RSPO2: variants seen among roughly 807,000 people sequenced by gnomAD.
RSPO2 encodes R-spondin 2, also known as R-spondin-2.
Under a neutral mutation model 30.9 loss-of-function variants are expected in RSPO2, and 14 were observed. The observed-to-expected ratio is 0.45, with a 90% CI of 0.30 to 0.71. The LOEUF is 0.71. Among genes scored for constraint, RSPO2 ranks in the 30% least tolerant of loss-of-function variants. The pLI, the probability that RSPO2 is intolerant of heterozygous loss-of-function variation, is 0.08. For missense variants in RSPO2, 264 were observed against 301.9 expected, an observed-to-expected ratio of 0.87 and a Z score of 0.93; for synonymous variants, 107 against 96.4, an observed-to-expected ratio of 1.11 and a Z score of -0.64.
chr8:108,008,318 G>A (rs867976326), intron 2 of RSPO2, among the ~76,000 whole-genome samples: 8 of 152,192 alleles, frequency 5.3e-5, no homozygotes, highest in African/African-American at 1.7e-4. Context: ...AACCAGAGCC[G>A]AGTAGCAGCC....
chr8:107,929,735 C>G (rs1464442754), intron 5 of RSPO2, among the ~76,000 whole-genome samples: 1 of 152,124 alleles, frequency 6.6e-6, no homozygotes, highest in Non-Finnish European at 1.5e-5. Flanking sequence ...AAACTTAGAA[C>G]AGTTAGAGAT....
intron 5 of RSPO2, among the ~76,000 whole-genome samples, chr8:107,952,260 T>C (rs1813275133): frequency 6.9e-6 from 1 of 145,054 alleles, no homozygotes; most frequent in African/African-American, 2.5e-5. Context: ...CCCTCCCAGT[T>C]TATAATCACT....
At position 108,063,235 on chromosome 8, in the gene RSPO2, T is replaced by C. The variant is rs114128995; in HGVS notation, c.94+19310A>G. 9.9e-3 allele frequency among the ~76,000 whole-genome samples: 1,500 copies of C among 151,872 alleles called. 55 individuals carry two copies. Among genetic ancestry groups the C allele is most frequent in the African/African-American group, 0.035 (1,441 of 41,210 alleles). On this transcript the variant is annotated intron_variant, in intron 2 of 5. Coordinates refer to ENST00000276659, the MANE Select transcript of RSPO2 (RefSeq NM_178565.5). ...GGCATTCAACTAGGAAAAGAGGAAGTCAATTGTCCCCGTTTGAAGATGACA... is the reference window on the plus strand; with the variant it reads ...GGCATTCAACTAGGAAAAGAGGAAGCCAATTGTCCCCGTTTGAAGATGACA...
At chr8:107,903,383 T>C (rs1811539748) in intron 5 of RSPO2, among the ~76,000 whole-genome samples, 1 of 152,148 alleles carries the variant, frequency 6.6e-6, no homozygotes. Flanking sequence ...AGTTGTGAGT[T>C]AAATATGTAC....
At chr8:107,958,853 C>T (rs1446133507) in intron 4 of RSPO2, among the ~76,000 whole-genome samples, 1 of 152,148 alleles carries the variant, frequency 6.6e-6, no homozygotes, top group African/African-American at 2.4e-5. Context: ...CAGTTCCATC[C>T]ATGTCCCTGC....
chr8:108,008,126 C>T (rs1815517763), intron 2 of RSPO2, among the ~76,000 whole-genome samples: 1 of 152,172 alleles, frequency 6.6e-6, no homozygotes, highest in Admixed American at 6.6e-5. Context: ...AAGATCAGTT[C>T]ATCGCCTTGG....
intron 5 of RSPO2, among the ~76,000 whole-genome samples, chr8:107,902,277 T>C (rs1398130443): frequency 6.6e-6 from 1 of 152,180 alleles, no homozygotes; most frequent in East Asian, 1.9e-4. Flanking sequence ...CTGTTCTTCC[T>C]CTCTTACTTT....
chr8:108,059,486 G>A (rs1269376808), intron 2 of RSPO2, among the ~76,000 whole-genome samples: 1 of 151,466 alleles, frequency 6.6e-6, no homozygotes, highest in Non-Finnish European at 1.5e-5. Flanking sequence ...ATTTGACCCA[G>A]CCATCCCATT....
intron 5 of RSPO2, among the ~76,000 whole-genome samples, chr8:107,957,552 T>G (rs2130430969): frequency 6.6e-6 from 1 of 152,350 alleles, no homozygotes; most frequent in African/African-American, 2.4e-5. Flanking sequence ...TTCTACAAAT[T>G]ATTATCAAAA....
chr8:107,976,873 A>G (rs1481670844), intron 3 of RSPO2, among the ~76,000 whole-genome samples: 3 of 152,254 alleles, frequency 2.0e-5, no homozygotes, highest in Admixed American at 6.5e-5. Context: ...TAGTTCAATC[A>G]GAACTTTATC....
intron 2 of RSPO2, among the ~76,000 whole-genome samples, chr8:108,063,731 AG>A (rs1211525299): frequency 6.6e-6 from 1 of 151,986 alleles, no homozygotes; most frequent in East Asian, 1.9e-4. Context: ...GTCAATCCTA[AG>A]CCAAAAGAAC....
chr8:108,067,264 T>C (rs576363162), intron 2 of RSPO2, among the ~76,000 whole-genome samples: 2 of 152,294 alleles, frequency 1.3e-5, no homozygotes, highest in East Asian at 1.9e-4. Flanking sequence ...TTTGAGGCAA[T>C]TGGGGAAATC....
intron 2 of RSPO2, among the ~76,000 whole-genome samples, chr8:108,018,215 C>A (rs1810953461): frequency 2.0e-5 from 3 of 151,988 alleles, no homozygotes; most frequent in Admixed American, 6.6e-5. Context: ...TAAGGTGAGC[C>A]CTTTTGGGGA....
At chr8:108,052,619 T>A (rs1433670921) in intron 2 of RSPO2, among the ~76,000 whole-genome samples, 1 of 152,142 alleles carries the variant, frequency 6.6e-6, no homozygotes, top group Non-Finnish European at 1.5e-5. Flanking sequence ...ACTGGGAAAT[T>A]CAACTAGCAG....
intron 5 of RSPO2, among the ~76,000 whole-genome samples, chr8:107,928,558 A>G (rs1025076119): frequency 6.6e-6 from 1 of 152,206 alleles, no homozygotes; most frequent in Non-Finnish European, 1.5e-5. Flanking sequence ...CCAAATTTTG[A>G]TGTATGGAAT....
At chr8:108,012,898 C>T (rs1030936909) in intron 2 of RSPO2, among the ~76,000 whole-genome samples, 7 of 152,166 alleles carry the variant, frequency 4.6e-5, no homozygotes, top group African/African-American at 1.7e-4. Flanking sequence ...TTGGAATTTA[C>T]TCTAAATTTA....
intron 5 of RSPO2, among the ~76,000 whole-genome samples, chr8:107,903,910 C>G (rs1811555022): frequency 1.3e-5 from 2 of 151,990 alleles, no homozygotes; most frequent in South Asian, 2.1e-4. Context: ...GTCCATACTA[C>G]GTTGTTCTGA....
chr8:107,960,876 AC>A lies in RSPO2; in HGVS notation c.284-60del, dbSNP rs1351432695. 4.4e-6 allele frequency: 6 copies of A among 1,359,924 alleles called. No homozygotes were observed. In the African/African-American group the frequency reaches 8.9e-5, roughly 20 times the overall value. The allele number at this position is 1,359,924 out of a possible 1,614,324, so 84.2% of individuals were successfully genotyped here. ...TCAGTCAAAGAAATTTACTTGTTTT[AC>A]AAATAAAATTTTTGTAAACTCACAA... On this transcript the variant is annotated intron_variant, in intron 3 of 5. Transcript: ENST00000276659.
Position 107,958,067 on chromosome 8 carries a change from T to G in RSPO2, c.616+13A>C, listed in dbSNP as rs1406889614. ...AGCACACAGCACACAGTAGTGATTA[T>G]ATCCACACCTACCTCCTGGACAATG... On this transcript the variant is annotated intron_variant, in intron 5 of 5. Coordinates refer to ENST00000276659, the MANE Select transcript of RSPO2 (RefSeq NM_178565.5). The G allele has an allele frequency of 1.2e-6, 2 of 1,600,890 alleles. No homozygotes were observed. Among genetic ancestry groups the G allele is most frequent in the African/African-American group, 2.7e-5 (2 of 74,638 alleles).
Sources: gnomAD v4.1 joint callset for allele counts (sites outside exome capture counted in the v4.1 genomes callset) on GRCh38, gnomAD v4.1.1 for gene constraint, MANE v1.5 for transcripts, NCBI Gene and HGNC (gene_info 2026-07-23, HGNC 2026-07-21) for gene names.